SETX: variants seen among roughly 807,000 people sequenced by gnomAD.
SETX encodes the protein helicase senataxin.
Under a neutral mutation model 227.2 loss-of-function variants are expected in SETX, and 90 were observed. The ratio of observed to expected loss-of-function variants is 0.40; its 90% confidence interval spans 0.33 to 0.47. SETX has a LOEUF of 0.47. Ranked by LOEUF, SETX falls within the 20% of genes least tolerant of loss-of-function variation. The pLI, the probability that SETX is intolerant of heterozygous loss-of-function variation, is 0.91. For synonymous variants in SETX, 1,210 were observed against 1,113.2 expected (o/e 1.09, Z -1.73); for missense variants, 3,052 against 3,181.5 (o/e 0.96, Z 0.98).
chr9:132,329,763 C>T lies in SETX; in HGVS notation c.1835G>A (p.Cys612Tyr), dbSNP rs1254663309. The T allele has an allele frequency of 6.2e-7, 1 of 1,614,002 alleles. No homozygotes were observed. The highest frequency in any genetic ancestry group is 1.3e-5 in the African/African-American group (1 of 74,926). The change falls in exon 10 of 26, where the codon TGT (cysteine) becomes TAT (tyrosine). Residue 612 changes from cysteine to tyrosine, a missense_variant. Around this residue, in one of 10 missense-constraint regions of SETX, gnomAD observed 1,483 missense variants for 1,312.0 expected, o/e 1.13. Coordinates refer to ENST00000224140, the MANE Select transcript of SETX (RefSeq NM_015046.7). ...CNTFVDLTSACKISPASYNKE... is the reference protein window; with the variant it reads ...CNTFVDLTSAYKISPASYNKE... ...ATTATAAGATGCAGGAGAGATTTTA[C>T]ATGCAGAAGTCAGATCCACAAAAGT...
At chr9:132,308,194 A>C (rs548154816) in intron 11 of SETX, among the ~76,000 whole-genome samples, 10 of 152,230 alleles carry the variant, frequency 6.6e-5, no homozygotes, top group Non-Finnish European at 1.2e-4. Context: ...TATCAGAAAA[A>C]GAAACCAGAT....
intron 4 of SETX, among the ~76,000 whole-genome samples, chr9:132,345,808 G>T (rs1025947150): frequency 5.3e-5 from 8 of 152,100 alleles, no homozygotes; most frequent in Non-Finnish European, 7.4e-5. Context: ...CTTGAGCCCA[G>T]GAGTTCAACA....
At chr9:132,322,970 G>C (rs1372605181) in intron 10 of SETX, among the ~76,000 whole-genome samples, 1 of 152,022 alleles carries the variant, frequency 6.6e-6, no homozygotes, top group Non-Finnish European at 1.5e-5. Context: ...GAAAAGTTGA[G>C]GTGGCCTCCA....
chr9:132,276,258 G>A (rs901804573), intron 22 of SETX, among the ~76,000 whole-genome samples: 6 of 152,058 alleles, frequency 3.9e-5, no homozygotes, highest in African/African-American at 2.4e-5. Flanking sequence ...GGCTTAACTC[G>A]CAATCCTCTG....
At chr9:132,352,028 A>T (rs1848630602) in intron 2 of SETX, among the ~76,000 whole-genome samples, 2 of 152,246 alleles carry the variant, frequency 1.3e-5, no homozygotes, top group South Asian at 4.1e-4. Context: ...TTAACTAGCC[A>T]GAAACTTCAA....
At chr9:132,291,796 T>C (rs1348973195) in intron 15 of SETX, among the ~76,000 whole-genome samples, 1 of 152,138 alleles carries the variant, frequency 6.6e-6, no homozygotes, top group Non-Finnish European at 1.5e-5. Context: ...TAAAATTCTA[T>C]TGAGTTTGAC....
Position 132,329,909 on chromosome 9 carries a change from G to A in SETX, c.1689C>T (p.Asn563=), listed in dbSNP as rs1169048319. 2 of 1,614,170 alleles carry A rather than the reference G, an allele frequency of 1.2e-6. No homozygotes were observed. The highest frequency in any genetic ancestry group is 2.2e-5 in the South Asian group (2 of 91,086). The part of the protein sequence containing the change: ...SLCKRFWDKL[N]LFLRGNLSLG... ...GAGATAAATTTCCTCTAAGGAATAA[G>A]TTGAGCTTATCCCAGAATCGCTTGC... Residue 563 remains asparagine, a synonymous_variant, in exon 10 of 26, where the codon AAC becomes AAT. Transcript: ENST00000224140.
At chr9:132,266,394 T>C (rs1329442708) in intron 25 of SETX, 1 of 152,250 alleles carries the variant, frequency 6.6e-6, no homozygotes, top group African/African-American at 2.4e-5. Context: ...CCCTTAGACT[T>C]TTAGTCAATA....
intron 10 of SETX, among the ~76,000 whole-genome samples, chr9:132,315,365 C>T (rs1355570222): frequency 1.3e-5 from 2 of 152,174 alleles, no homozygotes; most frequent in African/African-American, 2.4e-5. Flanking sequence ...CATTCATCTC[C>T]ATGTCCTGTC....
At chr9:132,276,947 C>CCCTGA (rs1843195646) in intron 22 of SETX, 113 bp downstream of exon 22, 1 of 896,294 alleles carries the variant, frequency 1.1e-6, no homozygotes, top group Non-Finnish European at 1.8e-6. Context: ...CATGACTGTG[C>CCCTGA]CCTGACACTA....
rs997364371 is a variant in SETX, at chr9:132,328,580, T to G, written c.3018A>C (p.Gly1006=). 2.5e-6 allele frequency: 4 copies of G among 1,613,570 alleles called. No homozygotes were observed. The African/African-American group carries it at 5.3e-5, about 22-fold the overall frequency. Residue 1006 remains glycine (G), a synonymous_variant, in exon 10 of 26, where the codon GGA becomes GGC. Transcript: ENST00000224140. ...TAATAACCTGTCCACGGGAGGTATC[T>G]CCAACATTATTTTGGTTAGCTGTGA... ...RCFTANQNNV[G]DTSRGQVIII...
At chr9:132,311,210 G>A (rs540996739) in intron 11 of SETX, among the ~76,000 whole-genome samples, 37 of 152,140 alleles carry the variant, frequency 2.4e-4, no homozygotes, top group African/African-American at 8.7e-4. Flanking sequence ...GGTGATCCCC[G>A]CCCGCCTCGG....
intron 15 of SETX, among the ~76,000 whole-genome samples, chr9:132,290,530 G>A (rs540321661): frequency 1.5e-5 from 2 of 137,146 alleles, no homozygotes; most frequent in East Asian, 2.4e-4. Flanking sequence ...AGCTGAAATC[G>A]CGCCACTGTA....
At chr9:132,300,479 GAA>G in intron 12 of SETX, 149 bp downstream of exon 12, 1 of 781,888 alleles carries the variant, frequency 1.3e-6, no homozygotes, top group Non-Finnish European at 2.1e-6. Flanking sequence ...AGAAAAACTA[GAA>G]AAGAGACTCT....
rs968334660 is a variant in SETX at position 132,326,542 on chromosome 9, A to T, written c.5056T>A (p.Ser1686Thr). 6.2e-6 allele frequency: 10 copies of T among 1,614,038 alleles called. No homozygotes were observed. The African/African-American group carries it at 1.2e-4, about 19-fold the overall frequency. ...GATGACAAAAGAATGTTTACTGGAG[A>T]GGAAGATGGAAAATATTTGCTTTCA... ...FGESKYFPSS[S>T]PVNILLSSQS... is the part of the protein sequence containing the mutation. The change falls in exon 10 of 26, where the codon TCT (serine) becomes ACT (threonine). Residue 1686 changes from serine to threonine, a missense_variant. This residue lies in a region of SETX where 1,483 missense variants were observed against 1,312.0 expected (regional missense o/e 1.13). Transcript: ENST00000224140.
At chr9:132,306,807 C>T (rs995365474) in intron 11 of SETX, among the ~76,000 whole-genome samples, 22 of 152,168 alleles carry the variant, frequency 1.4e-4, no homozygotes, top group African/African-American at 5.3e-4. Context: ...GCCTCAAACT[C>T]CTGGGCTCAA....
intron 10 of SETX, among the ~76,000 whole-genome samples, chr9:132,325,875 G>C (rs924797478): frequency 6.7e-6 from 1 of 148,670 alleles, no homozygotes; most frequent in Non-Finnish European, 1.5e-5. Flanking sequence ...GAAGGTTGCA[G>C]TGAGCAAAGA....
intron 10 of SETX, among the ~76,000 whole-genome samples, chr9:132,324,212 T>C (rs976463579): frequency 1.3e-5 from 2 of 152,046 alleles, no homozygotes; most frequent in Non-Finnish European, 2.9e-5. Context: ...TTTAGTGCTT[T>C]CCAGCGAAAA....
chr9:132,266,328 G>C (rs1842648281), intron 25 of SETX: 1 of 152,096 alleles, frequency 6.6e-6, no homozygotes, highest in South Asian at 2.1e-4. Context: ...TCTGACCTTG[G>C]GGAGCCTCTT....
Sources: gnomAD v4.1 joint callset for allele counts (sites outside exome capture counted in the v4.1 genomes callset) on GRCh38, gnomAD v4.1.1 for gene constraint, gnomAD v4.1.1 regional missense constraint, MANE v1.5 for transcripts, NCBI Gene and HGNC (gene_info 2026-07-23, HGNC 2026-07-21) for gene names.